The following FAR2 variants were observed in gnomAD, a reference collection of about 807,000 sequenced individuals.
FAR2 encodes fatty acyl-CoA reductase 2, also known as epididymis secretory protein Li 81.
Under a neutral mutation model 56.0 loss-of-function variants are expected in FAR2, and 19 were observed. The ratio of observed to expected loss-of-function variants is 0.34; its 90% CI spans 0.24 to 0.50. The LOEUF is 0.50. Ranked by LOEUF, FAR2 falls within the 20% of genes least tolerant of loss-of-function variation. The pLI, the probability that FAR2 is intolerant of heterozygous loss-of-function variation, is 0.98. For missense variants in FAR2, 508 were observed against 642.2 expected (o/e 0.79, Z 2.26); for synonymous variants, 219 against 218.8 (o/e 1.00, Z -0.01).
intron 1 of FAR2, among the ~76,000 whole-genome samples, chr12:29,186,130 C>A (rs1222950973): frequency 6.6e-6 from 1 of 152,186 alleles, no homozygotes; most frequent in Non-Finnish European, 1.5e-5. Context: ...AAACCTTTAT[C>A]ATTTCAATAT....
intron 5 of FAR2, among the ~76,000 whole-genome samples, chr12:29,308,637 AAT>A (rs1392938501): frequency 1.3e-5 from 2 of 151,394 alleles, no homozygotes; most frequent in African/African-American, 4.9e-5. Flanking sequence ...GCTGCTCTTA[AAT>A]ATAATCTCTG....
chr12:29,231,275 T>C (rs1260592825), intron 1 of FAR2, among the ~76,000 whole-genome samples: 1 of 152,082 alleles, frequency 6.6e-6, no homozygotes, highest in African/African-American at 2.4e-5. Flanking sequence ...GGCAGAAGAT[T>C]AGAAGCTATT....
chr12:29,213,559 G>A (rs549872367), intron 1 of FAR2, among the ~76,000 whole-genome samples: 47 of 151,988 alleles, frequency 3.1e-4, no homozygotes, highest in Non-Finnish European at 1.9e-4. Flanking sequence ...GTGTAGTGGT[G>A]TACGCCTGTA....
At position 29,291,363 on chromosome 12, in the gene FAR2, G is replaced by C. The variant is rs192209870; in HGVS notation, c.190-1937G>C. Reference sequence around the variant, plus strand: ...AACTACTGAGCCAGGGTCTCTGAGGGTGGAATAAAGAAATAATTTTTAACC... The same window carrying C: ...AACTACTGAGCCAGGGTCTCTGAGGCTGGAATAAAGAAATAATTTTTAACC... On this transcript the variant is annotated intron_variant, in intron 2 of 11. Coordinates refer to ENST00000536681, the MANE Select transcript of FAR2 (RefSeq NM_001271783.2). 8.8e-6 allele frequency: 4 copies of C among 456,006 alleles called. No homozygotes were observed. In the East Asian group the frequency reaches 2.1e-4, roughly 24 times the overall value. The allele number at this position is 456,006 out of a possible 1,614,324, so 28.2% of individuals were successfully genotyped here.
intron 1 of FAR2, among the ~76,000 whole-genome samples, chr12:29,183,019 A>T (rs1950007007): frequency 6.7e-6 from 1 of 148,192 alleles, no homozygotes. Context: ...CCATCACTCC[A>T]CTAAACAACT....
chr12:29,305,123 GTTTATT>G (rs1046579780), intron 4 of FAR2, among the ~76,000 whole-genome samples: 13 of 149,344 alleles, frequency 8.7e-5, no homozygotes, highest in African/African-American at 3.2e-4. Context: ...TGTTTTATTT[GTTTATT>G]TTTATTTTTA....
intron 1 of FAR2, among the ~76,000 whole-genome samples, chr12:29,251,401 C>T (rs1272613903): frequency 1.3e-5 from 2 of 152,150 alleles, no homozygotes; most frequent in East Asian, 3.9e-4. Context: ...AAGGAAATAA[C>T]CAGACTTTTG....
At chr12:29,302,001 G>A (rs6487804) in intron 4 of FAR2, 51,730 of 151,848 alleles carry the variant, frequency 0.34, 8,950 homozygotes, top group East Asian at 0.42. Flanking sequence ...TGGGAGGCTG[G>A]GTTGGGCGGA....
chr12:29,178,791 G>A (rs755628953), intron 1 of FAR2, among the ~76,000 whole-genome samples: 8 of 152,160 alleles, frequency 5.3e-5, no homozygotes, highest in African/African-American at 7.2e-5. Context: ...CTTAATTTAC[G>A]TGTTTATTGA....
intron 1 of FAR2, among the ~76,000 whole-genome samples, chr12:29,154,788 T>TTAC (rs58115987): frequency 6.6e-6 from 1 of 150,988 alleles, no homozygotes; most frequent in Non-Finnish European, 1.5e-5. Context: ...ATGTTAATAA[T>TTAC]CAAGAAAAGA....
intron 1 of FAR2, among the ~76,000 whole-genome samples, chr12:29,256,085 T>C (rs1214652998): frequency 6.6e-6 from 1 of 152,160 alleles, no homozygotes; most frequent in Middle Eastern, 3.2e-3. Flanking sequence ...TTAGCCAGGC[T>C]AGTCATAAAC....
chr12:29,312,968 C>T (rs1949379155), intron 8 of FAR2, among the ~76,000 whole-genome samples: 4 of 152,152 alleles, frequency 2.6e-5, no homozygotes, highest in African/African-American at 9.7e-5. Flanking sequence ...CCTCCTCTTA[C>T]ACCTATAGCA....
chr12:29,231,842 C>T (rs1406966567), intron 1 of FAR2, among the ~76,000 whole-genome samples: 2 of 151,872 alleles, frequency 1.3e-5, no homozygotes, highest in East Asian at 3.9e-4. Context: ...GATACAGAAA[C>T]AAAAAAGAAA....
intron 1 of FAR2, among the ~76,000 whole-genome samples, chr12:29,188,301 C>G (rs1049593775): frequency 1.3e-5 from 2 of 152,122 alleles, no homozygotes; most frequent in African/African-American, 4.8e-5. Flanking sequence ...TCGGGTCTAT[C>G]ACCACCCAGC....
chr12:29,157,106 T>TTATATATA (rs5797307), intron 1 of FAR2: 1,633 of 73,320 alleles, frequency 0.022, 52 homozygotes, highest in East Asian at 0.027. Flanking sequence ...AAAGAACATT[T>TTATATATA]TATATATATA....
chr12:29,223,792 C>T (rs1947726732), intron 1 of FAR2: 1 of 152,218 alleles, frequency 6.6e-6, no homozygotes, highest in Non-Finnish European at 1.5e-5. Context: ...GAGAGCCCCT[C>T]TCATTGCTCT....
intron 1 of FAR2, among the ~76,000 whole-genome samples, chr12:29,268,982 A>G (rs1216723779): frequency 6.6e-6 from 1 of 152,178 alleles, no homozygotes; most frequent in Non-Finnish European, 1.5e-5. Flanking sequence ...GAGGCAGGGC[A>G]AGATCTCAGG....
chr12:29,167,866 T>C (rs1949844525), intron 1 of FAR2, among the ~76,000 whole-genome samples: 1 of 152,070 alleles, frequency 6.6e-6, no homozygotes, highest in South Asian at 2.1e-4. Context: ...CTAGAGAGAG[T>C]ATCAAAGCAT....
At chr12:29,269,073 G>C (rs1047715709) in intron 1 of FAR2, among the ~76,000 whole-genome samples, 1 of 152,180 alleles carries the variant, frequency 6.6e-6, no homozygotes, top group Non-Finnish European at 1.5e-5. Flanking sequence ...TCAGGAGACA[G>C]GATTTTGACA....
Sources: allele counts gnomAD v4.1 joint callset (sites outside exome capture counted in the v4.1 genomes callset), GRCh38; gene constraint gnomAD v4.1.1; transcripts MANE v1.5; gene names NCBI Gene and HGNC (gene_info 2026-07-23, HGNC 2026-07-21).